The following SPATA24 variants were observed in gnomAD, a reference collection of about 807,000 sequenced individuals.
SPATA24 encodes spermatogenesis-associated protein 24.
Under a neutral mutation model 28.9 loss-of-function variants are expected in SPATA24, and 21 were observed. The observed-to-expected ratio is 0.73, with a 90% CI of 0.52 to 1.05. The LOEUF (loss-of-function observed/expected upper bound fraction) is 1.05, where lower values mean the gene tolerates loss of function less well. SPATA24 is among the 50% of genes least tolerant of loss of function. The pLI is 0.00. For missense variants in SPATA24, 215 were observed against 242.9 expected (o/e 0.88, Z 0.76); for synonymous variants, 76 against 89.9 (o/e 0.85, Z 0.88).
chr5:139,395,141 A>C, downstream of SPATA24: 1 of 1,366,682 alleles, frequency 7.3e-7, no homozygotes, highest in South Asian at 1.7e-5. Context: ...TGGCGCCGGC[A>C]CTGTCCCCGC....
chr5:139,396,555 G>A (rs1758710353), downstream of SPATA24: 1 of 1,326,430 alleles, frequency 7.5e-7, no homozygotes, highest in South Asian at 1.6e-5. Context: ...CTGGGAGTGG[G>A]GTGGAATATT....
intron 4 of SPATA24, among the ~76,000 whole-genome samples, chr5:139,399,524 C>A (rs78917331): frequency 6.6e-6 from 1 of 152,120 alleles, no homozygotes; most frequent in Non-Finnish European, 1.5e-5. Flanking sequence ...CCTTCCCAGG[C>A]GTCCAGCTAA....
downstream of SPATA24, chr5:139,392,688 C>G: frequency 7.3e-7 from 1 of 1,365,974 alleles, no homozygotes. The surrounding 1 kb of genome is among the most constrained non-coding windows in gnomAD (Gnocchi z 5.8). Context: ...CGGGGCGGGG[C>G]GATCGGACCC....
intron 4 of SPATA24, among the ~76,000 whole-genome samples, 166 bp from the exon 5 acceptor site, chr5:139,397,309 G>C (rs1758732280): frequency 6.6e-6 from 1 of 152,130 alleles, no homozygotes; most frequent in Non-Finnish European, 1.5e-5. Flanking sequence ...TGCAGTCTTG[G>C]GGGAGTGCAG....
At position 139,404,087 on chromosome 5, in the gene SPATA24, A is replaced by G. The variant is rs1023023348; in HGVS notation, c.-27T>C. On this transcript the variant is annotated 5_prime_UTR_variant, in exon 1 of 6. Transcript: ENST00000450845. ...TTCCGCCCCCGCCAGCTAGTTGGAA[A>G]TGGCTGCCTCGGGGGTGATCCTCGC... 12 of 1,532,568 alleles carry G rather than the reference A, an allele frequency of 7.8e-6. No individual in the cohort carries two copies. The highest frequency in any genetic ancestry group is 2.8e-5 in the African/African-American group (2 of 72,648). The allele number at this position is 1,532,568 out of a possible 1,614,324, so 94.9% of individuals were successfully genotyped here. A position where few individuals can be genotyped will look rare whatever the true frequency, so the allele number is the denominator to read the frequency against.
downstream of SPATA24, chr5:139,394,060 C>G (rs1001914949): frequency 1.3e-6 from 2 of 1,550,922 alleles, no homozygotes; most frequent in Non-Finnish European, 1.7e-6. Context: ...AAGGAAGATG[C>G]TGGAACTAAC....
downstream of SPATA24, chr5:139,392,741 C>T (rs1258913945): frequency 9.9e-6 from 14 of 1,413,206 alleles, no homozygotes; most frequent in Admixed American, 9.9e-5. The surrounding 1 kb of genome is among the most constrained non-coding windows in gnomAD (Gnocchi z 5.8). Context: ...CTGCGGGCGC[C>T]GCCTAGAGGG....
chr5:139,404,036 T>G lies in SPATA24; in HGVS notation c.25A>C (p.Lys9Gln), dbSNP rs760057919. 1 of 1,551,826 alleles carries G rather than the reference T, an allele frequency of 6.4e-7. No homozygotes were observed. The highest frequency in any genetic ancestry group is 2.4e-5 in the East Asian group (1 of 40,910). Reference protein sequence around the residue: MATPLGWSKAGSGSVCLAL... With the variant: MATPLGWSQAGSGSVCLAL... ...AGACACACAGATCCTGACCCCGCCT[T>G]CGACCACCCGAGGGGCGTCGCCATC... is the stretch of plus-strand genomic sequence containing the variant. The change falls in exon 1 of 6, where the codon AAG (lysine) becomes CAG (glutamine). Residue 9 changes from lysine to glutamine, a missense_variant. Lys to Gln is a moderately conservative substitution (Grantham distance 53, BLOSUM62 1). Coordinates refer to ENST00000450845, the MANE Select transcript of SPATA24 (RefSeq NM_194296.2).
chr5:139,400,590 G>A (rs1288185180), intron 4 of SPATA24, among the ~76,000 whole-genome samples: 1 of 152,046 alleles, frequency 6.6e-6, no homozygotes, highest in Non-Finnish European at 1.5e-5. Flanking sequence ...TTACAGGCAT[G>A]AGCCACCGCG....
chr5:139,393,865 CCCCGTACAG>C, downstream of SPATA24: 1 of 1,551,208 alleles, frequency 6.4e-7, no homozygotes, highest in Non-Finnish European at 8.7e-7. Context: ...GCAGCGAGGA[CCCCGTACAG>C]CCCCATTTGG....
At chr5:139,403,631 G>A (rs907375273) in intron 1 of SPATA24, among the ~76,000 whole-genome samples, 4 of 152,228 alleles carry the variant, frequency 2.6e-5, no homozygotes, top group African/African-American at 7.2e-5. Flanking sequence ...GCCTGCACAG[G>A]AGGGCCATGG....
chr5:139,394,605 C>G (rs1184207424), downstream of SPATA24: 3 of 1,532,724 alleles, frequency 2.0e-6, no homozygotes, highest in Non-Finnish European at 2.6e-6. Flanking sequence ...CATCGGGGAC[C>G]TGGGACTGGC....
chr5:139,395,301 C>G (rs951466240), downstream of SPATA24: 2 of 418,274 alleles, frequency 4.8e-6, no homozygotes, highest in Non-Finnish European at 4.1e-6. Context: ...AGGCACAAGC[C>G]GGAGTACCTG....
chr5:139,394,427 G>T, downstream of SPATA24: 1 of 1,396,032 alleles, frequency 7.2e-7, no homozygotes, highest in South Asian at 1.6e-5. Context: ...GCCCTTGGGG[G>T]ACTCTGGGGC....
intron 4 of SPATA24, 24 bp from the exon 5 acceptor site, chr5:139,397,167 G>A: frequency 2.0e-6 from 3 of 1,537,876 alleles, no homozygotes; most frequent in East Asian, 2.4e-5. Context: ...AGGCAGGGAG[G>A]AGGGGTGGTT....
chr5:139,397,580 G>A (rs1413863620), intron 4 of SPATA24, among the ~76,000 whole-genome samples: 1 of 148,120 alleles, frequency 6.8e-6, no homozygotes, highest in African/African-American at 2.5e-5. Flanking sequence ...ATTTGAGACT[G>A]AGTCTTGCTC....
downstream of SPATA24, chr5:139,394,229 C>A: frequency 6.5e-7 from 1 of 1,548,678 alleles, no homozygotes; most frequent in Non-Finnish European, 8.7e-7. Context: ...GTGCTGCGGG[C>A]CGTTTCCCGG....
downstream of SPATA24, chr5:139,394,950 C>T (rs1286692793): frequency 2.0e-6 from 3 of 1,521,264 alleles, no homozygotes; most frequent in African/African-American, 1.4e-5. Flanking sequence ...GCCCAACGTC[C>T]GGGGGCTCCG....
At chr5:139,394,894 C>T (rs1473767147), downstream of SPATA24, 3 of 1,510,374 alleles carry the variant, frequency 2.0e-6, no homozygotes, top group African/African-American at 1.5e-5. Flanking sequence ...GCCCGCCCCC[C>T]GCCCAGGAGC....
Sources: allele counts gnomAD v4.1 joint callset (sites outside exome capture counted in the v4.1 genomes callset), GRCh38; gene constraint gnomAD v4.1.1; non-coding constraint Gnocchi (gnomAD v3.1); transcripts MANE v1.5; gene names NCBI Gene and HGNC (gene_info 2026-07-23, HGNC 2026-07-21).